NPC1: variants seen among roughly 807,000 people sequenced by gnomAD.
The protein encoded by NPC1 is Niemann-Pick C1 protein.
A neutral mutation model predicts 140.4 loss-of-function variants in NPC1; 85 were observed. The observed-to-expected ratio is 0.61, with a 90% confidence interval of 0.51 to 0.72. The LOEUF (loss-of-function observed/expected upper bound fraction) is 0.72. NPC1 is among the 30% of genes least tolerant of loss of function. The pLI is 0.00. For synonymous variants in NPC1, 656 were observed against 624.8 expected, an observed-to-expected ratio of 1.05 and a Z score of -0.74; for missense variants, 1,504 against 1,623.8, an observed-to-expected ratio of 0.93 and a Z score of 1.27.
chr18:23,510,798 T>C (rs952359476), intron 3 of NPC1, among the ~76,000 whole-genome samples: 8 of 152,242 alleles, frequency 5.3e-5, no homozygotes, highest in African/African-American at 1.9e-4. Context: ...CTAGTCAGCA[T>C]AGCCATTATA....
At position 23,531,829 on chromosome 18, in the gene NPC1, ATAGAACT is replaced by A. The variant is rs2058520364; in HGVS notation, c.*366_*372del. ...CCTCAACTGTCACTAAAAATATGGT[ATAGAACT>A]TGTGGGATGGCTTACTCCTAAAAGG... On this transcript the variant is annotated 3_prime_UTR_variant, in exon 25 of 25. Transcript: ENST00000269228. 88 of 1,483,238 alleles carry A rather than the reference ATAGAACT, an allele frequency of 5.9e-5. No individual in the cohort carries two copies. Among genetic ancestry groups the A allele is most frequent in the Non-Finnish European group, 7.7e-5 (87 of 1,126,838 alleles). 91.9% of individuals were successfully genotyped at this position (1,483,238 alleles called of 1,614,324 possible). A position where few individuals can be genotyped will look rare whatever the true frequency, so the allele number is the denominator to read the frequency against.
intron 4 of NPC1, 148 bp from the exon 5 acceptor site, chr18:23,561,675 G>A (rs985002744): frequency 7.9e-6 from 6 of 755,610 alleles, no homozygotes; most frequent in African/African-American, 5.2e-5. Flanking sequence ...CTAAGGGCAC[G>A]AACAGAGATT....
intron 20 of NPC1, among the ~76,000 whole-genome samples, chr18:23,537,194 C>T (rs2058644800): frequency 6.6e-6 from 1 of 152,150 alleles, no homozygotes; most frequent in South Asian, 2.1e-4. Flanking sequence ...CTCAGCCTCC[C>T]GAATAGCTGG....
intron 3 of NPC1, chr18:23,516,188 A>AGAG (rs2058000123): frequency 5.3e-6 from 7 of 1,319,386 alleles, no homozygotes; most frequent in Non-Finnish European, 7.5e-6. Flanking sequence ...ACAGGCTGTG[A>AGAG]GAGGACATGG....
chr18:23,537,686 G>A (rs1226312402), intron 20 of NPC1, among the ~76,000 whole-genome samples: 1 of 152,166 alleles, frequency 6.6e-6, no homozygotes, highest in Non-Finnish European at 1.5e-5. Context: ...CACCCTGGAG[G>A]CTCCCCAGGA....
intron 3 of NPC1, among the ~76,000 whole-genome samples, chr18:23,513,941 A>G (rs952042220): frequency 6.6e-6 from 1 of 152,198 alleles, no homozygotes; most frequent in Admixed American, 6.5e-5. Flanking sequence ...TAGAGATACA[A>G]TTTGCAAGTA....
chr18:23,524,815 C>G (rs534056404), downstream of NPC1, among the ~76,000 whole-genome samples: 28 of 152,154 alleles, frequency 1.8e-4, no homozygotes, highest in African/African-American at 6.5e-4. Flanking sequence ...GACCTTCCCA[C>G]CGGTGTCCGT....
chr18:23,534,665 T>C (rs2058599300), intron 22 of NPC1, 106 bp from the exon 23 acceptor site: 1 of 848,438 alleles, frequency 1.2e-6, no homozygotes, highest in Non-Finnish European at 1.9e-6. Context: ...CCCTGGGTGC[T>C]AGAGGAGGCC....
downstream of NPC1, chr18:23,529,872 A>C (rs12386105): frequency 3.2e-3 from 3,325 of 1,040,728 alleles, 78 homozygotes; most frequent in African/African-American, 0.048. Context: ...GGGAAGTGTA[A>C]GGTCAAGTTG....
downstream of NPC1, chr18:23,526,523 T>G (rs919336480): frequency 3.2e-6 from 4 of 1,268,288 alleles, no homozygotes; most frequent in African/African-American, 3.0e-5. Context: ...GACTGTACTT[T>G]GCGGCTTTTT....
intron 1 of NPC1, among the ~76,000 whole-genome samples, chr18:23,573,937 T>C (rs997597349): frequency 7.9e-5 from 12 of 152,206 alleles, no homozygotes; most frequent in African/African-American, 2.9e-4. Flanking sequence ...AGGAACTATA[T>C]AAGCTCTAAG....
At chr18:23,578,003 C>T (rs948366001) in intron 1 of NPC1, among the ~76,000 whole-genome samples, 10 of 152,214 alleles carry the variant, frequency 6.6e-5, no homozygotes, top group African/African-American at 1.9e-4. Flanking sequence ...GGTTCCTGCT[C>T]GTGTCTCTCC....
At chr18:23,578,404 T>A (rs143933982) in intron 1 of NPC1, among the ~76,000 whole-genome samples, 4 of 152,278 alleles carry the variant, frequency 2.6e-5, no homozygotes, top group African/African-American at 9.6e-5. Flanking sequence ...CCCTGTAGCA[T>A]CACACCCTCC....
At chr18:23,576,448 A>G (rs2059280818) in intron 1 of NPC1, 2 of 985,744 alleles carry the variant, frequency 2.0e-6, no homozygotes, top group Non-Finnish European at 1.2e-6. Flanking sequence ...TGCCGAAAGA[A>G]GCAACCTAAG....
At chr18:23,507,087 G>A (rs2057734097) in intron 3 of NPC1, 5 of 1,407,062 alleles carry the variant, frequency 3.6e-6, no homozygotes, top group African/African-American at 1.4e-5. Context: ...AGCATTAAAG[G>A]GCATTAGAAA....
intron 3 of NPC1, chr18:23,507,906 G>A: frequency 2.3e-6 from 3 of 1,287,302 alleles, no homozygotes; most frequent in Non-Finnish European, 3.2e-6. Context: ...TATTTTTCTT[G>A]TCTTGTAGTA....
intron 1 of NPC1, chr18:23,576,384 T>G: frequency 6.0e-6 from 4 of 667,588 alleles, no homozygotes; most frequent in Non-Finnish European, 7.4e-6. Flanking sequence ...ATAGCACCTC[T>G]GCACTCCAGC....
intron 3 of NPC1, among the ~76,000 whole-genome samples, chr18:23,569,987 C>G (rs138550774): frequency 1.7e-3 from 255 of 152,338 alleles, no homozygotes; most frequent in Non-Finnish European, 2.3e-3. Flanking sequence ...GACTCCGATT[C>G]AGTCCCAGTG....
chr18:23,538,775 C>T (rs1327288174), intron 19 of NPC1, 104 bp from the exon 20 acceptor site: 6 of 1,237,318 alleles, frequency 4.8e-6, no homozygotes, highest in African/African-American at 2.9e-5. Flanking sequence ...TCTTCTCTAT[C>T]GATTACTTTC....
Sources: allele counts gnomAD v4.1 joint callset (sites outside exome capture counted in the v4.1 genomes callset), GRCh38; gene constraint gnomAD v4.1.1; transcripts MANE v1.5; gene names NCBI Gene and HGNC (gene_info 2026-07-23, HGNC 2026-07-21).